Variants in MACIR observed in about 807,000 individuals in gnomAD.
MACIR encodes the protein macrophage immunometabolism regulator.
MACIR carries 4 observed loss-of-function variants against 14.3 expected under a neutral mutation model. The observed-to-expected ratio is 0.28, with a 90% CI of 0.14 to 0.64. The LOEUF is 0.64. Among genes scored for constraint, MACIR ranks in the 30% least tolerant of loss-of-function variants. The pLI, the probability that MACIR is intolerant of heterozygous loss-of-function variation, is 0.83. For synonymous variants in MACIR, 101 were observed against 102.4 expected (o/e 0.99, Z 0.08); for missense variants, 228 against 257.6 (o/e 0.89, Z 0.79).
chr5:103,258,479 T>G (rs1197094641), upstream of MACIR, among the ~76,000 whole-genome samples: 1 of 151,956 alleles, frequency 6.6e-6, no homozygotes, highest in Admixed American at 6.5e-5. Context: ...GGGTTTAGAC[T>G]AGAGAGCGGG....
chr5:103,264,284 T>C (rs1426565597), intron 1 of MACIR, among the ~76,000 whole-genome samples: 1 of 152,146 alleles, frequency 6.6e-6, no homozygotes, highest in Non-Finnish European at 1.5e-5. Context: ...AAAATAGGGC[T>C]ACTACTAAAG....
In MACIR at chr5:103,266,538, C is replaced by T. The variant is rs190703086; in HGVS notation, c.-24+541C>T. Reference sequence around the variant, plus strand: ...AAAAATATGCAATGCTGTTTTCTTCCTTTAGTTGTCTTTTTTCAGTGTGTC... The same window carrying T: ...AAAAATATGCAATGCTGTTTTCTTCTTTTAGTTGTCTTTTTTCAGTGTGTC... On this transcript the variant is annotated intron_variant, in intron 2 of 2. Transcript: ENST00000319933. Among the ~76,000 whole-genome samples, 39 of 152,152 alleles carry T rather than the reference C, an allele frequency of 2.6e-4. No individual in the cohort carries two copies. The South Asian group carries it at 6.2e-3, about 24-fold the overall frequency.
At position 103,276,735 on chromosome 5, in the gene MACIR, C is replaced by G; in HGVS notation, c.*195C>G. ...AGGTACTTGGGGGGGGGATATCATT[C>G]TAGAGCACGCAACTGCAAAGAAAAC... On this transcript the variant is annotated 3_prime_UTR_variant, in exon 3 of 3. Transcript: ENST00000319933. The G allele has an allele frequency of 2.1e-6, 1 of 483,744 alleles. No homozygotes were observed. The highest frequency in any genetic ancestry group is 3.7e-6 in the Non-Finnish European group (1 of 270,440). 30.0% of individuals were successfully genotyped at this position (483,744 alleles called of 1,614,324 possible). A position where few individuals can be genotyped will look rare whatever the true frequency, so the allele number is the denominator to read the frequency against.
At chr5:103,262,075 G>C (rs1804750132) in intron 1 of MACIR, among the ~76,000 whole-genome samples, 2 of 152,038 alleles carry the variant, frequency 1.3e-5, no homozygotes, top group Non-Finnish European at 2.9e-5. Flanking sequence ...TCCAAATGGA[G>C]CTTTGTATAT....
rs1034452084 is a variant in MACIR at position 103,277,772 on chromosome 5, G to T, written c.*1232G>T. 2 of 166,700 alleles carry T rather than the reference G, an allele frequency of 1.2e-5. No individual in the cohort carries two copies. Among genetic ancestry groups the T allele is most frequent in the Non-Finnish European group, 2.9e-5 (2 of 68,028 alleles). 10.3% of individuals were successfully genotyped at this position (166,700 alleles called of 1,614,324 possible). A position where few individuals can be genotyped will look rare whatever the true frequency, so the allele number is the denominator to read the frequency against. ...TGTATGTAACTTACCTTTTGTAAAC[G>T]TTCCATTTCTTTTTTCCCTCATTTT... is the stretch of plus-strand genomic sequence containing the variant. On this transcript the variant is annotated 3_prime_UTR_variant, in exon 3 of 3. Coordinates refer to ENST00000319933, the MANE Select transcript of MACIR (RefSeq NM_033211.4).
chr5:103,265,857 A>G (rs782149857), intron 1 of MACIR, 51 bp from the exon 2 acceptor site: 2 of 152,116 alleles, frequency 1.3e-5, no homozygotes, highest in African/African-American at 4.8e-5. Flanking sequence ...ATCATGTTAT[A>G]AGTTGTGTTA....
chr5:103,276,559 A>G lies in MACIR; in HGVS notation c.*19A>G, dbSNP rs1428200159. ...TACATGAATGACTTGGAGAGAGCTT[A>G]AACCAATTTAGGTCAGCCTACGCTT... On this transcript the variant is annotated 3_prime_UTR_variant, in exon 3 of 3. Coordinates refer to ENST00000319933, the MANE Select transcript of MACIR (RefSeq NM_033211.4). The G allele has an allele frequency of 1.9e-6, 3 of 1,589,500 alleles. No individual in the cohort carries two copies. In the East Asian group the frequency reaches 6.7e-5, roughly 36 times the overall value.
intron 2 of MACIR, among the ~76,000 whole-genome samples, chr5:103,273,329 C>G (rs1161621577): frequency 1.3e-5 from 2 of 149,630 alleles, no homozygotes; most frequent in Non-Finnish European, 3.0e-5. Flanking sequence ...TTGGATTGTT[C>G]TCTTCCCAAG....
intron 2 of MACIR, among the ~76,000 whole-genome samples, chr5:103,272,264 A>C (rs1380806814): frequency 1.3e-5 from 2 of 152,086 alleles, no homozygotes; most frequent in Non-Finnish European, 2.9e-5. Context: ...TTCCTGATGG[A>C]TGTCTTTCAG....
chr5:103,259,337 C>A (rs1804577229), intron 1 of MACIR: 1 of 151,986 alleles, frequency 6.6e-6, no homozygotes. Flanking sequence ...TGGGGAGGTG[C>A]GGGGACTCGG....
chr5:103,270,141 G>C (rs1244979639), intron 2 of MACIR, among the ~76,000 whole-genome samples: 1 of 152,082 alleles, frequency 6.6e-6, no homozygotes, highest in African/African-American at 2.4e-5. Flanking sequence ...CACTGTTCTG[G>C]TGAGTGTATA....
At position 103,276,178 on chromosome 5, in the gene MACIR, G is replaced by A; in HGVS notation, c.259G>A (p.Ala87Thr). 1 of 1,613,828 alleles carries A rather than the reference G, an allele frequency of 6.2e-7. No homozygotes were observed. Among genetic ancestry groups the A allele is most frequent in the South Asian group, 1.1e-5 (1 of 91,048 alleles). ...AGGAGGTGAAGAGAGCAAAGCAGAAGCCATGCCATCCTTACGCTCCAAACA... is the reference window on the plus strand; with the variant it reads ...AGGAGGTGAAGAGAGCAAAGCAGAAACCATGCCATCCTTACGCTCCAAACA... ...CTGGEESKAE[A>T]MPSLRSKQLD... Residue 87 changes from alanine to threonine, a missense_variant, in exon 3 of 3, where the codon GCC (alanine) becomes ACC (threonine). Ala to Thr is a moderately conservative substitution (Grantham distance 58, BLOSUM62 0). Transcript: ENST00000319933.
chr5:103,276,467 C>T lies in MACIR; in HGVS notation c.548C>T (p.Thr183Ile). The T allele has an allele frequency of 6.2e-7, 1 of 1,613,960 alleles. No homozygotes were observed. The highest frequency in any genetic ancestry group is 1.1e-5 in the South Asian group (1 of 91,076). ...LDKMIKEPAD[T>I]EVLQYQLQHL... ...AAAATGATCAAGGAGCCAGCTGATA[C>T]AGAAGTGCTACAGTACCAGCTTCAA... The change falls in exon 3 of 3, where the codon ACA (threonine) becomes ATA (isoleucine). Residue 183 changes from threonine (T) to isoleucine (I), a missense_variant. By Grantham distance (89) the Thr-to-Ile change is moderately conservative (BLOSUM62 -1). Coordinates refer to ENST00000319933, the MANE Select transcript of MACIR (RefSeq NM_033211.4).
chr5:103,277,265 C>T lies in MACIR; in HGVS notation c.*725C>T, dbSNP rs564742467. On this transcript the variant is annotated 3_prime_UTR_variant, in exon 3 of 3. Coordinates refer to ENST00000319933, the MANE Select transcript of MACIR (RefSeq NM_033211.4). Reference sequence around the variant, plus strand: ...AAGTATTTATTTTACAATGGGTGGGCGGGGGAAACTTTTCCAGAAAGTTTC... The same window carrying T: ...AAGTATTTATTTTACAATGGGTGGGTGGGGGAAACTTTTCCAGAAAGTTTC... The T allele has an allele frequency of 6.6e-5, 11 of 166,802 alleles. No individual in the cohort carries two copies. Among genetic ancestry groups the T allele is most frequent in the South Asian group, 2.1e-4 (1 of 4,804 alleles). The allele number at this position is 166,802 out of a possible 1,614,324, so 10.3% of individuals were successfully genotyped here. A position where few individuals can be genotyped will look rare whatever the true frequency, so the allele number is the denominator to read the frequency against.
chr5:103,268,392 C>T (rs1258460843), intron 2 of MACIR, among the ~76,000 whole-genome samples: 2 of 152,080 alleles, frequency 1.3e-5, no homozygotes, highest in African/African-American at 2.4e-5. Context: ...AGTTTTAACA[C>T]GTTTGGTTAG....
At chr5:103,263,437 G>A (rs1804803940) in intron 1 of MACIR, among the ~76,000 whole-genome samples, 2 of 152,092 alleles carry the variant, frequency 1.3e-5, no homozygotes, top group African/African-American at 2.4e-5. Context: ...TGAAATTACC[G>A]ATCATTTCCT....
chr5:103,275,316 TA>T, intron 2 of MACIR, among the ~76,000 whole-genome samples: 1 of 152,324 alleles, frequency 6.6e-6, no homozygotes, highest in Non-Finnish European at 1.5e-5. Context: ...AGACTCCTCA[TA>T]CTCTAAGAAT....
chr5:103,274,950 C>T (rs905331069), intron 2 of MACIR, among the ~76,000 whole-genome samples: 10 of 152,136 alleles, frequency 6.6e-5, no homozygotes, highest in African/African-American at 2.4e-4. Context: ...CTATCTGTAG[C>T]TTTCAGGAAC....
chr5:103,258,549 TCTGG>T (rs1804539555), upstream of MACIR, among the ~76,000 whole-genome samples: 1 of 152,174 alleles, frequency 6.6e-6, no homozygotes, highest in South Asian at 2.1e-4. Context: ...GCCAACTTCT[TCTGG>T]CCTCTTAGCG....
Sources: gnomAD v4.1 joint callset for allele counts (sites outside exome capture counted in the v4.1 genomes callset) on GRCh38, gnomAD v4.1.1 for gene constraint, MANE v1.5 for transcripts, NCBI Gene and HGNC (gene_info 2026-07-23, HGNC 2026-07-21) for gene names.